TENM2: variants seen among roughly 807,000 people sequenced by gnomAD.
TENM2 encodes the protein teneurin transmembrane protein 2.
Under a neutral mutation model 245.2 loss-of-function variants are expected in TENM2, and 52 were observed. The observed-to-expected ratio is 0.21, with a 90% CI of 0.17 to 0.27. TENM2 has a LOEUF of 0.27. Ranked by LOEUF, TENM2 falls within the 10% of genes least tolerant of loss-of-function variation. The probability of loss-of-function intolerance (pLI) is 1.00; values close to 1 mark genes in which losing one functional copy is unlikely to be tolerated. For missense variants in TENM2, 3,046 were observed against 3,666.8 expected, an observed-to-expected ratio of 0.83 and a Z score of 4.37; for synonymous variants, 1,363 against 1,438.9, an observed-to-expected ratio of 0.95 and a Z score of 1.19.
At chr5:167,537,673 C>T (rs1193676607) in intron 2 of TENM2, among the ~76,000 whole-genome samples, 1 of 152,256 alleles carries the variant, frequency 6.6e-6, no homozygotes, top group African/African-American at 2.4e-5. Flanking sequence ...CCTTTACTAA[C>T]TCTCATGACC....
At position 167,293,368 on chromosome 5, in the gene TENM2, ATT is replaced by A. The variant is rs199972172; in HGVS notation, c.226+8326_226+8327del. Among the ~76,000 whole-genome samples the A allele has an allele frequency of 4.5e-3, 586 of 130,506 alleles. 1 individual carries two copies. Among genetic ancestry groups the A allele is most frequent in the African/African-American group, 0.016 (550 of 34,636 alleles). 85.6% of individuals were successfully genotyped at this position (130,506 alleles called of 152,430 possible). A position where few individuals can be genotyped will look rare whatever the true frequency, so the allele number is the denominator to read the frequency against. On this transcript the variant is annotated intron_variant, in intron 1 of 28. Transcript: ENST00000518659. ...AGGGATGCGTCACCATGTCCGGCTA[ATT>A]TTTTTTTTTTTTTTTTTTTTGTATT... is the stretch of plus-strand genomic sequence containing the variant.
intron 4 of TENM2, among the ~76,000 whole-genome samples, chr5:167,981,774 G>C (rs766597547): frequency 1.3e-5 from 2 of 152,120 alleles, no homozygotes; most frequent in Non-Finnish European, 2.9e-5. Context: ...AGGAGTTCAA[G>C]ACCAGCTTTG....
intron 2 of TENM2, among the ~76,000 whole-genome samples, chr5:167,760,646 A>C (rs11955348): frequency 1.3e-5 from 2 of 151,932 alleles, no homozygotes; most frequent in Admixed American, 1.3e-4. Context: ...CTGCCTTGTT[A>C]TTGTTGTTGT....
intron 2 of TENM2, among the ~76,000 whole-genome samples, chr5:167,539,713 C>T (rs1312108056): frequency 6.6e-6 from 1 of 152,074 alleles, no homozygotes; most frequent in Non-Finnish European, 1.5e-5. Flanking sequence ...TCATTGAGTG[C>T]TTTCTTCCAT....
rs1258554913 is a variant in TENM2, at chr5:167,594,758, C to T, written c.502+219285C>T. ...GTCTTTTCAAATAGAAAGAACTAAC[C>T]TCAAGCGGGGATTGTCTGTCTTCGA... On this transcript the variant is annotated intron_variant, in intron 2 of 28. Coordinates refer to ENST00000518659, the Ensembl canonical transcript of TENM2. 1.3e-5 allele frequency among the ~76,000 whole-genome samples: 2 copies of T among 152,200 alleles called. 1 individual carries two copies. Among genetic ancestry groups the T allele is most frequent in the South Asian group, 4.1e-4 (2 of 4,822 alleles).
intron 2 of TENM2, among the ~76,000 whole-genome samples, chr5:167,564,547 G>T (rs1042050450): frequency 6.6e-6 from 1 of 152,152 alleles, no homozygotes; most frequent in African/African-American, 2.4e-5. Flanking sequence ...AGCAGGGGAT[G>T]TATCAGTAAT....
chr5:167,267,526 C>G, the TENM2 span, among the ~76,000 whole-genome samples: 1 of 152,124 alleles, frequency 6.6e-6, no homozygotes. Context: ...AAATCAGACA[C>G]TATCTCTATA....
At chr5:167,486,358 T>A (rs7445522) in intron 2 of TENM2, among the ~76,000 whole-genome samples, 4 of 148,464 alleles carry the variant, frequency 2.7e-5, no homozygotes, top group Non-Finnish European at 4.5e-5. Context: ...AGACAGAGTC[T>A]CACTCTGTCG....
At chr5:168,205,565 G>T (rs1762287471) in intron 19 of TENM2, among the ~76,000 whole-genome samples, 1 of 152,158 alleles carries the variant, frequency 6.6e-6, no homozygotes, top group African/African-American at 2.4e-5. Context: ...CGTTTGGCTA[G>T]GATCTGAGTG....
At chr5:167,750,444 A>ACCTG (rs1761885216) in intron 2 of TENM2, among the ~76,000 whole-genome samples, 1 of 152,008 alleles carries the variant, frequency 6.6e-6, no homozygotes, top group South Asian at 2.1e-4. Context: ...TCTTCTTTTG[A>ACCTG]CCTGCGCATT....
At chr5:168,056,485 C>T (rs1321482306) in intron 6 of TENM2, among the ~76,000 whole-genome samples, 1 of 152,206 alleles carries the variant, frequency 6.6e-6, no homozygotes, top group Non-Finnish European at 1.5e-5. Flanking sequence ...AACAGTGTTT[C>T]AGCCAATGAT....
At chr5:167,364,999 G>A (rs1017406873) in intron 1 of TENM2, among the ~76,000 whole-genome samples, 23 of 151,798 alleles carry the variant, frequency 1.5e-4, no homozygotes, top group African/African-American at 4.3e-4. Flanking sequence ...GAGAATTCTC[G>A]TATCACATTA....
chr5:167,035,478 T>A, the TENM2 span, among the ~76,000 whole-genome samples: 1 of 152,246 alleles, frequency 6.6e-6, no homozygotes, highest in Non-Finnish European at 1.5e-5. Flanking sequence ...CCACTGACAA[T>A]GATGTCGTTC....
At chr5:167,114,263 T>C in the TENM2 span, among the ~76,000 whole-genome samples, 2 of 152,248 alleles carry the variant, frequency 1.3e-5, no homozygotes, top group African/African-American at 2.4e-5. Context: ...AGTAACACTT[T>C]GAGTGTTTCC....
At chr5:167,799,212 T>A (rs1460086797) in intron 2 of TENM2, among the ~76,000 whole-genome samples, 1 of 152,214 alleles carries the variant, frequency 6.6e-6, no homozygotes, top group Non-Finnish European at 1.5e-5. Flanking sequence ...AGAGCCTTCC[T>A]CTGGGTATGT....
At chr5:167,725,006 A>G (rs941484135) in intron 2 of TENM2, among the ~76,000 whole-genome samples, 4 of 152,142 alleles carry the variant, frequency 2.6e-5, no homozygotes, top group Admixed American at 6.5e-5. Context: ...CCAAATTTCA[A>G]TTTTCTAATT....
At position 167,536,286 on chromosome 5, in the gene TENM2, T is replaced by TAA. The variant is rs375058324; in HGVS notation, c.502+160821_502+160822dup. Among the ~76,000 whole-genome samples, 603 of 150,108 alleles carry TAA rather than the reference T, an allele frequency of 4.0e-3. 3 individuals are homozygous for TAA. Among genetic ancestry groups the TAA allele is most frequent in the African/African-American group, 0.014 (561 of 40,932 alleles). On this transcript the variant is annotated intron_variant, in intron 2 of 28. Transcript: ENST00000518659. ...ATAATAACCGCTACCAGGAAAACTC[T>TAA]AAAAAAAAAGACCCAAAGGGTGTAC... is the stretch of plus-strand genomic sequence containing the variant.
At chr5:167,931,277 C>T (rs971737530) in intron 3 of TENM2, among the ~76,000 whole-genome samples, 1 of 152,154 alleles carries the variant, frequency 6.6e-6, no homozygotes, top group Non-Finnish European at 1.5e-5. Context: ...CCTGAATCAG[C>T]TTTTCTCATC....
the TENM2 span, among the ~76,000 whole-genome samples, chr5:167,169,419 C>T: frequency 6.6e-6 from 1 of 152,118 alleles, no homozygotes; most frequent in Non-Finnish European, 1.5e-5. Flanking sequence ...TTTATAGGTC[C>T]TAGGGCCTAA....
Sources: gnomAD v4.1 joint callset for allele counts (sites outside exome capture counted in the v4.1 genomes callset) on GRCh38, gnomAD v4.1.1 for gene constraint, MANE v1.5 for transcripts, NCBI Gene and HGNC (gene_info 2026-07-23, HGNC 2026-07-21) for gene names.